RTP2: variants seen among roughly 807,000 people sequenced by gnomAD.
RTP2 encodes receptor transporter protein 2, also known as receptor-transporting protein 2.
RTP2 carries 12 observed loss-of-function variants against 17.9 expected under a neutral mutation model. The observed-to-expected ratio is 0.67, with a 90% CI of 0.43 to 1.09. The LOEUF (loss-of-function observed/expected upper bound fraction) is 1.09, where lower values mean the gene tolerates loss of function less well. Among genes scored for constraint, RTP2 ranks in the 50% least tolerant of loss-of-function variants. The pLI, the probability that RTP2 is intolerant of heterozygous loss-of-function variation, is 0.00. For missense variants in RTP2, 327 were observed against 295.7 expected (o/e 1.11, Z -0.78); for synonymous variants, 126 against 117.7 (o/e 1.07, Z -0.46).
At chr3:187,698,275 T>TC (rs1717736714) in exon 2 of RTP2, 1 of 534,256 alleles carries the variant, frequency 1.9e-6, no homozygotes, top group South Asian at 2.8e-5. Context: ...TCTAAAACCT[T>TC]TATTACACCC....
exon 2 of RTP2, chr3:187,698,433 A>G: frequency 7.1e-7 from 1 of 1,406,164 alleles, no homozygotes; most frequent in South Asian, 1.4e-5. Context: ...TAGCAGGATC[A>G]AGTCCAGACT....
chr3:187,712,254 G>A, the RTP2 span, among the ~76,000 whole-genome samples: 1 of 152,116 alleles, frequency 6.6e-6, no homozygotes, highest in South Asian at 2.1e-4. Flanking sequence ...TTACCATTGA[G>A]GGAAACTTGC....
chr3:187,705,886 T>A (rs947315470), upstream of RTP2, among the ~76,000 whole-genome samples: 2 of 152,182 alleles, frequency 1.3e-5, no homozygotes, highest in Non-Finnish European at 2.9e-5. Context: ...CTTTTTCTTA[T>A]CCAAAAATCA....
At chr3:187,705,877 T>G (rs1717979416), upstream of RTP2, among the ~76,000 whole-genome samples, 1 of 152,212 alleles carries the variant, frequency 6.6e-6, no homozygotes, top group Non-Finnish European at 1.5e-5. Flanking sequence ...GACTTTACCC[T>G]TTTTCTTATC....
At chr3:187,698,976 G>T in exon 2 of RTP2, 1 of 1,597,380 alleles carries the variant, frequency 6.3e-7, no homozygotes, top group Non-Finnish European at 8.6e-7. Context: ...CACATGGGCA[G>T]ACTGCCAGGT....
chr3:187,702,273 G>A, exon 1 of RTP2: 1 of 770,752 alleles, frequency 1.3e-6, no homozygotes, highest in Non-Finnish European at 2.1e-6. Context: ...TCCCTCCTCT[G>A]TTACCCTGGA....
chr3:187,708,115 A>C, the RTP2 span, among the ~76,000 whole-genome samples: 2 of 152,234 alleles, frequency 1.3e-5, no homozygotes, highest in African/African-American at 4.8e-5. Context: ...TCCCTAATGA[A>C]GGTACATGTG....
chr3:187,698,723 A>T, exon 2 of RTP2: 1 of 1,614,088 alleles, frequency 6.2e-7, no homozygotes, highest in Non-Finnish European at 8.5e-7. Flanking sequence ...AGAACTCTGC[A>T]CGATGCGGCC....
At chr3:187,713,205 G>A in the RTP2 span, among the ~76,000 whole-genome samples, 2 of 152,234 alleles carry the variant, frequency 1.3e-5, no homozygotes, top group African/African-American at 4.8e-5. Flanking sequence ...TGTGATGCAG[G>A]TGGTGGGCGC....
exon 2 of RTP2, chr3:187,698,469 G>A (rs759849101): frequency 2.6e-6 from 4 of 1,566,610 alleles, no homozygotes; most frequent in Non-Finnish European, 3.5e-6. Flanking sequence ...TCAAGCCCAT[G>A]TGCCCTCTCC....
the RTP2 span, among the ~76,000 whole-genome samples, chr3:187,708,963 T>A: frequency 9.6e-5 from 8 of 83,092 alleles, no homozygotes; most frequent in African/African-American, 2.4e-4. Flanking sequence ...CCCAGTTTTT[T>A]TTTTCCTTTT....
chr3:187,699,391 G>A (rs1256584943), intron 1 of RTP2, among the ~76,000 whole-genome samples: 1 of 152,134 alleles, frequency 6.6e-6, no homozygotes, highest in Non-Finnish European at 1.5e-5. Flanking sequence ...TTGGCGTCCA[G>A]TAAGGGTCCT....
exon 2 of RTP2, chr3:187,698,907 C>A (rs779097861): frequency 1.9e-6 from 3 of 1,610,684 alleles, no homozygotes; most frequent in Non-Finnish European, 2.5e-6. Flanking sequence ...CTTGAAGACG[C>A]GCATGCGCAC....
chr3:187,706,777 A>AT (rs1718002335), upstream of RTP2, among the ~76,000 whole-genome samples: 9 of 152,060 alleles, frequency 5.9e-5, no homozygotes, highest in South Asian at 1.9e-3. Flanking sequence ...TGATTTTTGT[A>AT]TTTTTAGTAG....
At chr3:187,709,843 C>T in the RTP2 span, among the ~76,000 whole-genome samples, 3 of 152,014 alleles carry the variant, frequency 2.0e-5, no homozygotes, top group African/African-American at 7.3e-5. Context: ...TTCGCTTGAC[C>T]AAGGGGTGCT....
the RTP2 span, among the ~76,000 whole-genome samples, chr3:187,714,149 A>C: frequency 6.6e-6 from 1 of 152,206 alleles, no homozygotes; most frequent in Non-Finnish European, 1.5e-5. Flanking sequence ...GGTGAGGATT[A>C]AGTGAACCCT....
the RTP2 span, among the ~76,000 whole-genome samples, chr3:187,709,471 G>A: frequency 1.3e-5 from 2 of 152,198 alleles, no homozygotes; most frequent in Admixed American, 6.5e-5. Flanking sequence ...AGATCATGAA[G>A]TTAGGATTTC....
the RTP2 span, chr3:187,715,682 A>G: frequency 2.2e-6 from 1 of 456,972 alleles, no homozygotes; most frequent in South Asian, 1.5e-5. Context: ...GGAGAGCAAG[A>G]AGCAGAATGT....
At chr3:187,715,499 A>G in the RTP2 span, 1 of 331,692 alleles carries the variant, frequency 3.0e-6, no homozygotes, top group South Asian at 2.3e-5. Flanking sequence ...TTCTGGAAAT[A>G]GGAAATCATG....
Sources: gnomAD v4.1 joint callset for allele counts (sites outside exome capture counted in the v4.1 genomes callset) on GRCh38, gnomAD v4.1.1 for gene constraint, MANE v1.5 for transcripts, NCBI Gene and HGNC (gene_info 2026-07-23, HGNC 2026-07-21) for gene names.